Variants in ST6GAL2 observed in about 807,000 individuals in gnomAD.
The protein encoded by ST6GAL2 is beta-galactoside alpha-2,6-sialyltransferase 2.
A neutral mutation model predicts 37.5 loss-of-function variants in ST6GAL2; 24 were observed. The ratio of observed to expected loss-of-function variants is 0.64; its 90% CI spans 0.46 to 0.90. The LOEUF (loss-of-function observed/expected upper bound fraction) is 0.90. Ranked by LOEUF, ST6GAL2 falls within the 40% of genes least tolerant of loss-of-function variation. ST6GAL2 has a pLI of 0.00. For missense variants in ST6GAL2, 715 were observed against 712.7 expected (o/e 1.00, Z -0.04); for synonymous variants, 306 against 295.1 (o/e 1.04, Z -0.38).
chr2:106,856,859 A>G (rs965211265), intron 1 of ST6GAL2, among the ~76,000 whole-genome samples: 4 of 152,344 alleles, frequency 2.6e-5, no homozygotes, highest in Non-Finnish European at 5.9e-5. Context: ...ATATTCTACC[A>G]ATTTGTTCAA....
At chr2:106,879,963 T>C (rs1678680690) in intron 1 of ST6GAL2, among the ~76,000 whole-genome samples, 1 of 148,586 alleles carries the variant, frequency 6.7e-6, no homozygotes, top group Admixed American at 6.8e-5. Flanking sequence ...TATAGACCAA[T>C]TACATACTAT....
Position 106,806,712 on chromosome 2 carries a change from C to G in ST6GAL2, c.1556G>C (p.Cys519Ser). Residue 519 changes from cysteine to serine, a missense_variant, in exon 6 of 6, where the codon TGC (cysteine) becomes TCC (serine). Physicochemically the swap from Cys to Ser is moderately radical, Grantham distance 112 (BLOSUM62 -1). Coordinates refer to ENST00000409382, the MANE Select transcript of ST6GAL2 (RefSeq NM_001142351.2). Reference protein sequence around the residue: ...VVLPGFQAVHCPAPSPVIPHS With the variant: ...VVLPGFQAVHSPAPSPVIPHS ...TGGAATGACTGGACTTGGTGCAGGG[C>G]AGTGCACCGCCTGGAAGCCGGGAAG... 6.2e-7 allele frequency: 1 copy of G among 1,614,156 alleles called. No individual in the cohort carries two copies. Among genetic ancestry groups the G allele is most frequent in the Non-Finnish European group, 8.5e-7 (1 of 1,180,034 alleles).
In ST6GAL2 at chr2:106,830,124, A is replaced by G. The variant is rs1376149664; in HGVS notation, c.1260T>C (p.Ile420=). The G allele has an allele frequency of 6.2e-7, 1 of 1,614,052 alleles. No homozygotes were observed. Among genetic ancestry groups the G allele is most frequent in the Non-Finnish European group, 8.5e-7 (1 of 1,179,974 alleles). ...HPKFIWQLWD[I]IQENTKEKIQ... is the part of the protein sequence containing the mutation. ...TCTTCTCTTTAGTGTTCTCCTGGAT[A>G]ATATCCCAGAGCTGCCATATAAATT... The change falls in exon 5 of 6, where the codon ATT becomes ATC. Residue 420 remains isoleucine, a synonymous_variant. Transcript: ENST00000409382.
At position 106,884,514 on chromosome 2, in the gene ST6GAL2, T is replaced by C. The variant is rs568932490; in HGVS notation, c.-58+1579A>G. On this transcript the variant is annotated intron_variant, in intron 1 of 5. Transcript: ENST00000409382. ...AGCCTCTCTAAACTGTGGAGCTCAGTACTCCATATAAAGCAGTGACTCCTA... is the reference window on the plus strand; with the variant it reads ...AGCCTCTCTAAACTGTGGAGCTCAGCACTCCATATAAAGCAGTGACTCCTA... Among the ~76,000 whole-genome samples, 217 of 152,238 alleles carry C rather than the reference T, an allele frequency of 1.4e-3. 1 individual carries two copies. Among genetic ancestry groups the C allele is most frequent in the African/African-American group, 5.1e-3 (211 of 41,530 alleles).
intron 1 of ST6GAL2, among the ~76,000 whole-genome samples, chr2:106,877,545 T>C (rs1480524879): frequency 6.6e-6 from 1 of 152,182 alleles, no homozygotes; most frequent in Non-Finnish European, 1.5e-5. Context: ...TGTGACTTAG[T>C]CTCTATTTCT....
intron 2 of ST6GAL2, among the ~76,000 whole-genome samples, chr2:106,841,714 T>A (rs75173857): frequency 1.6e-3 from 239 of 152,156 alleles, no homozygotes; most frequent in African/African-American, 5.3e-3. Flanking sequence ...GGGAAATGAA[T>A]GTGATCCAGC....
At chr2:106,830,325 A>G (rs1400632682) in intron 4 of ST6GAL2, 85 bp from the exon 5 acceptor site, 3 of 1,138,006 alleles carry the variant, frequency 2.6e-6, no homozygotes. Context: ...TTTGAGGCAG[A>G]GGGGCCAGGC....
At chr2:106,809,461 G>A (rs773954868) in intron 5 of ST6GAL2, among the ~76,000 whole-genome samples, 1 of 152,168 alleles carries the variant, frequency 6.6e-6, no homozygotes, top group Non-Finnish European at 1.5e-5. Flanking sequence ...CAGTTGTGTT[G>A]GAGTTGTGAC....
chr2:106,802,728 TCAGAATCAAAA>T lies in ST6GAL2; in HGVS notation c.*3939_*3949del, dbSNP rs1388294975. 4.6e-5 allele frequency: 7 copies of T among 151,776 alleles called. No homozygotes were observed. The highest frequency in any genetic ancestry group is 1.0e-4 in the Non-Finnish European group (7 of 67,840). 9.4% of individuals were successfully genotyped at this position (151,776 alleles called of 1,614,324 possible). A position where few individuals can be genotyped will look rare whatever the true frequency, so the allele number is the denominator to read the frequency against. On this transcript the variant is annotated 3_prime_UTR_variant, in exon 6 of 6. Coordinates refer to ENST00000409382, the MANE Select transcript of ST6GAL2 (RefSeq NM_001142351.2). ...AACTATCAGAAAGAGTTCTAAACTA[TCAGAATCAAAA>T]CAGACAATACAATAGAACATACTTG...
At chr2:106,836,653 C>G (rs1003043823) in intron 2 of ST6GAL2, among the ~76,000 whole-genome samples, 1 of 150,930 alleles carries the variant, frequency 6.6e-6, no homozygotes, top group Non-Finnish European at 1.5e-5. Flanking sequence ...ACTGGCTGGG[C>G]ATGGTGGCTC....
At chr2:106,854,750 A>C (rs1456967778) in intron 1 of ST6GAL2, among the ~76,000 whole-genome samples, 2 of 152,180 alleles carry the variant, frequency 1.3e-5, no homozygotes, top group African/African-American at 4.8e-5. Flanking sequence ...GACTGTCATT[A>C]GTGTACCCAT....
At position 106,843,522 on chromosome 2, in the gene ST6GAL2, G is replaced by A. The variant is rs780773564; in HGVS notation, c.456C>T (p.Ser152=). ...CCTCCCGTGGGCCTGGCTCCCCGGG[G>A]GAAGGGAATCCCAATGTCCCCTGAG... ...SHTQGTLGFP[S]PGEPGPREGA... is the part of the protein sequence containing the mutation. Residue 152 remains serine, a synonymous_variant, in exon 2 of 6, where the codon TCC becomes TCT. Transcript: ENST00000409382. 1 of 1,614,038 alleles carries A rather than the reference G, an allele frequency of 6.2e-7. No individual in the cohort carries two copies. The highest frequency in any genetic ancestry group is 8.5e-7 in the Non-Finnish European group (1 of 1,180,024).
intron 5 of ST6GAL2, among the ~76,000 whole-genome samples, chr2:106,821,035 A>G (rs1675983794): frequency 1.3e-5 from 2 of 152,038 alleles, no homozygotes; most frequent in Non-Finnish European, 2.9e-5. Context: ...ATAAGCATCT[A>G]CATAAAAAAG....
intron 1 of ST6GAL2, among the ~76,000 whole-genome samples, chr2:106,851,463 C>T (rs922775386): frequency 6.6e-6 from 1 of 152,192 alleles, no homozygotes; most frequent in Non-Finnish European, 1.5e-5. Context: ...CAATTTATTA[C>T]GAGTTGTCAG....
intron 5 of ST6GAL2, among the ~76,000 whole-genome samples, chr2:106,815,695 CAG>C (rs1455354596): frequency 3.9e-5 from 6 of 152,186 alleles, no homozygotes; most frequent in Non-Finnish European, 8.8e-5. Flanking sequence ...CTTCATTTTA[CAG>C]ATGAAGGAAC....
At chr2:106,846,223 G>A (rs1677139280) in intron 1 of ST6GAL2, among the ~76,000 whole-genome samples, 1 of 152,318 alleles carries the variant, frequency 6.6e-6, no homozygotes, top group Admixed American at 6.5e-5. Context: ...GAGTGATAAT[G>A]ATAGATTGTT....
Position 106,834,039 on chromosome 2 carries a change from T to G in ST6GAL2, c.1041+10A>C. On this transcript the variant is annotated intron_variant, in intron 3 of 5. Coordinates refer to ENST00000409382, the MANE Select transcript of ST6GAL2 (RefSeq NM_001142351.2). The stretch of plus-strand genomic sequence containing the variant: ...AACATACATCCATGAAAACACTCCA[T>G]CTGTCTTACCTGCGAATTAATGATG... 6.3e-7 allele frequency: 1 copy of G among 1,597,778 alleles called. No individual in the cohort carries two copies. Among genetic ancestry groups the G allele is most frequent in the East Asian group, 2.2e-5 (1 of 44,560 alleles).
chr2:106,830,428 C>T (rs547647119), intron 4 of ST6GAL2, among the ~76,000 whole-genome samples, 188 bp from the exon 5 acceptor site: 102 of 152,260 alleles, frequency 6.7e-4, no homozygotes, highest in Non-Finnish European at 9.4e-4. Flanking sequence ...CAGACCAGGG[C>T]GCTAGCCCTA....
rs556139697 is a variant in ST6GAL2, at chr2:106,807,001, G to T, written c.1319-52C>A. 266 of 1,513,814 alleles carry T rather than the reference G, an allele frequency of 1.8e-4. 4 individuals carry two copies. In the South Asian group the frequency reaches 3.1e-3, roughly 18 times the overall value. The allele number at this position is 1,513,814 out of a possible 1,614,324, so 93.8% of individuals were successfully genotyped here. The stretch of plus-strand genomic sequence containing the variant: ...CTAATGAACAACTCCATGTGAGAGG[G>T]ATGAGTTTTTTGGGGGAGGGGTGGT... On this transcript the variant is annotated intron_variant, in intron 5 of 5. Transcript: ENST00000409382.
Sources: gnomAD v4.1 joint callset for allele counts (sites outside exome capture counted in the v4.1 genomes callset) on GRCh38, gnomAD v4.1.1 for gene constraint, MANE v1.5 for transcripts, NCBI Gene and HGNC (gene_info 2026-07-23, HGNC 2026-07-21) for gene names.